ADAMTSL1: variants seen among roughly 807,000 people sequenced by gnomAD.
ADAMTSL1 encodes the protein ADAMTS-like protein 1.
ADAMTSL1 carries 126 observed loss-of-function variants against 201.8 expected under a neutral mutation model. The ratio of observed to expected loss-of-function variants is 0.62; its 90% CI spans 0.54 to 0.72. ADAMTSL1 has a LOEUF of 0.72. Ranked by LOEUF, ADAMTSL1 falls within the 30% of genes least tolerant of loss-of-function variation. The probability of loss-of-function intolerance (pLI) is 0.00; values close to 1 mark genes in which losing one functional copy is unlikely to be tolerated. For synonymous variants in ADAMTSL1, 1,121 were observed against 903.4 expected, an observed-to-expected ratio of 1.24 and a Z score of -4.32; for missense variants, 2,679 against 2,277.8, an observed-to-expected ratio of 1.18 and a Z score of -3.59.
intron 2 of ADAMTSL1, among the ~76,000 whole-genome samples, chr9:18,242,527 A>G (rs1462793067): frequency 6.6e-6 from 1 of 152,162 alleles, no homozygotes. Context: ...GTGACAAGGA[A>G]AAGAAATAAA....
chr9:18,494,462 A>G (rs1822427437), intron 1 of ADAMTSL1, among the ~76,000 whole-genome samples: 1 of 152,168 alleles, frequency 6.6e-6, no homozygotes, highest in Non-Finnish European at 1.5e-5. Context: ...GGAGTACACA[A>G]GTCAAATGAA....
intron 3 of ADAMTSL1, among the ~76,000 whole-genome samples, chr9:18,536,905 G>T (rs1422166415): frequency 1.3e-5 from 2 of 150,878 alleles, no homozygotes; most frequent in Non-Finnish European, 3.0e-5. Flanking sequence ...GACTTCCAAT[G>T]TGTTTAGAGT....
At chr9:18,299,720 A>AGG (rs1365823379) in intron 2 of ADAMTSL1, among the ~76,000 whole-genome samples, 1 of 152,202 alleles carries the variant, frequency 6.6e-6, no homozygotes, top group East Asian at 1.9e-4. Flanking sequence ...CAAGTGTTAC[A>AGG]GGGTTACTGG....
At chr9:18,547,826 T>C (rs1422610821) in intron 3 of ADAMTSL1, among the ~76,000 whole-genome samples, 1 of 151,718 alleles carries the variant, frequency 6.6e-6, no homozygotes, top group East Asian at 1.9e-4. Context: ...AAAATTTTAG[T>C]ACAGTATCTG....
At chr9:17,946,479 A>T (rs996701604) in intron 1 of ADAMTSL1, among the ~76,000 whole-genome samples, 1 of 152,138 alleles carries the variant, frequency 6.6e-6, no homozygotes, top group Non-Finnish European at 1.5e-5. Context: ...GACATTCTTT[A>T]CTAAACATTT....
intron 15 of ADAMTSL1, among the ~76,000 whole-genome samples, chr9:18,725,346 G>T (rs1398995429): frequency 6.6e-6 from 1 of 152,204 alleles, no homozygotes; most frequent in Non-Finnish European, 1.5e-5. Context: ...GAATTTGATT[G>T]TCGGGAAAGA....
At position 18,876,329 on chromosome 9, in the gene ADAMTSL1, T is replaced by C. The variant is rs145537022; in HGVS notation, c.4250-11502T>C. Among the ~76,000 whole-genome samples, 8 of 151,246 alleles carry C rather than the reference T, an allele frequency of 5.3e-5. No individual in the cohort carries two copies. In the East Asian group the frequency reaches 9.7e-4, roughly 18 times the overall value. ...GTGTGTGTGTGTGTGTGTGTGTGTG[T>C]GCGTGATTGTTTTATAGGTTCTGTG... On this transcript the variant is annotated intron_variant, in intron 23 of 28. Coordinates refer to ENST00000380548, the MANE Select transcript of ADAMTSL1 (RefSeq NM_001040272.6).
chr9:18,190,171 T>C (rs1199456732), intron 2 of ADAMTSL1, among the ~76,000 whole-genome samples: 1 of 152,218 alleles, frequency 6.6e-6, no homozygotes, highest in Non-Finnish European at 1.5e-5. Context: ...CCTCCAACTA[T>C]GTCATAGATT....
intron 2 of ADAMTSL1, among the ~76,000 whole-genome samples, chr9:18,454,291 T>A (rs1183961991): frequency 1.3e-5 from 2 of 152,142 alleles, no homozygotes; most frequent in Non-Finnish European, 1.5e-5. Context: ...GAGGACACTG[T>A]CCCACTACAT....
At chr9:18,357,192 G>A (rs1836288868) in intron 2 of ADAMTSL1, among the ~76,000 whole-genome samples, 1 of 152,048 alleles carries the variant, frequency 6.6e-6, no homozygotes, top group African/African-American at 2.4e-5. Context: ...GCCCTAATCA[G>A]AAACCTCCTC....
intron 2 of ADAMTSL1, among the ~76,000 whole-genome samples, chr9:18,527,378 T>C (rs528415188): frequency 6.6e-6 from 1 of 152,302 alleles, no homozygotes; most frequent in African/African-American, 2.4e-5. Flanking sequence ...AAACAATGTA[T>C]TGACATCAGG....
chr9:18,399,288 T>TATATATATATATATATATACAG (rs1392893116), intron 2 of ADAMTSL1, among the ~76,000 whole-genome samples: 1 of 79,592 alleles, frequency 1.3e-5, no homozygotes, highest in Non-Finnish European at 2.4e-5. Context: ...TACATATATA[T>TATATATATATATATATATACAG]ATATATATAT....
chr9:18,739,410 A>C (rs779723675), intron 15 of ADAMTSL1, among the ~76,000 whole-genome samples: 1 of 152,174 alleles, frequency 6.6e-6, no homozygotes, highest in Non-Finnish European at 1.5e-5. Flanking sequence ...TATCAGATCC[A>C]AGTGTGTTTA....
chr9:18,017,711 G>C (rs1427016637), intron 1 of ADAMTSL1, among the ~76,000 whole-genome samples: 1 of 151,940 alleles, frequency 6.6e-6, no homozygotes, highest in East Asian at 1.9e-4. Context: ...CTGTGAACTG[G>C]CTACGTTTCA....
chr9:18,780,707 T>C lies in ADAMTSL1; in HGVS notation c.3677+2801T>C, dbSNP rs527657422. Among the ~76,000 whole-genome samples, 22 of 152,240 alleles carry C rather than the reference T, an allele frequency of 1.4e-4. No individual in the cohort carries two copies. In the South Asian group the frequency reaches 2.3e-3, roughly 16 times the overall value. Reference sequence around the variant, plus strand: ...TACATAAAAAGCATATATGCACACATAGGATTTGGGTTTTTTAATAGGATA... The same window carrying C: ...TACATAAAAAGCATATATGCACACACAGGATTTGGGTTTTTTAATAGGATA... On this transcript the variant is annotated intron_variant, in intron 19 of 28. Transcript: ENST00000380548.
intron 1 of ADAMTSL1, among the ~76,000 whole-genome samples, chr9:17,920,333 A>G (rs1299648455): frequency 1.3e-5 from 2 of 152,090 alleles, no homozygotes; most frequent in African/African-American, 4.8e-5. Flanking sequence ...ACCCACCCTC[A>G]TAGCTGTCAT....
Position 18,533,868 on chromosome 9 carries a change from A to C in ADAMTSL1, c.237+576A>C, listed in dbSNP as rs533580042. Among the ~76,000 whole-genome samples the C allele has an allele frequency of 5.9e-5, 9 of 152,314 alleles. No individual in the cohort carries two copies. The South Asian group carries it at 1.5e-3, about 25-fold the overall frequency. ...AAATAAATAAAGTTCTTTGTGGGCT[A>C]AAATAGAGAGAAATCTTAAAGGAAA... On this transcript the variant is annotated intron_variant, in intron 3 of 28. Coordinates refer to ENST00000380548, the MANE Select transcript of ADAMTSL1 (RefSeq NM_001040272.6).
chr9:18,868,055 T>C (rs1827653286), intron 23 of ADAMTSL1, among the ~76,000 whole-genome samples: 1 of 152,332 alleles, frequency 6.6e-6, no homozygotes, highest in Non-Finnish European at 1.5e-5. Flanking sequence ...TTGGCTAATT[T>C]CTATTATTAT....
intron 1 of ADAMTSL1, among the ~76,000 whole-genome samples, chr9:18,099,355 A>ATATATATATTTT (rs1239180390): frequency 4.4e-5 from 2 of 45,562 alleles, no homozygotes; most frequent in African/African-American, 8.1e-5. Flanking sequence ...ATATATATAT[A>ATATATATATTTT]TTTTTTTTTT....
Sources: allele counts gnomAD v4.1 joint callset (sites outside exome capture counted in the v4.1 genomes callset), GRCh38; gene constraint gnomAD v4.1.1; transcripts MANE v1.5; gene names NCBI Gene and HGNC (gene_info 2026-07-23, HGNC 2026-07-21).